Variants in IDO2 observed in about 807,000 individuals in gnomAD.
The protein encoded by IDO2 is indoleamine 2,3-dioxygenase 2.
A neutral mutation model predicts 45.1 loss-of-function variants in IDO2; 46 were observed. The ratio of observed to expected loss-of-function variants is 1.02; its 90% CI spans 0.80 to 1.30. The LOEUF (loss-of-function observed/expected upper bound fraction) is 1.30. Among genes scored for constraint, IDO2 ranks in the 50% most tolerant of loss-of-function variants. The pLI, the probability that IDO2 is intolerant of heterozygous loss-of-function variation, is 0.00. For synonymous variants in IDO2, 218 were observed against 184.9 expected, an observed-to-expected ratio of 1.18 and a Z score of -1.45; for missense variants, 544 against 491.8, an observed-to-expected ratio of 1.11 and a Z score of -1.00.
intron 8 of IDO2, among the ~76,000 whole-genome samples, chr8:39,992,689 C>T (rs1238202292): frequency 6.6e-6 from 1 of 152,196 alleles, no homozygotes; most frequent in Non-Finnish European, 1.5e-5. Context: ...CTTTCTTCTG[C>T]GTGATAAATA....
chr8:39,987,803 A>C (rs2129594701), intron 6 of IDO2, 68 bp from the exon 7 acceptor site: 1 of 881,224 alleles, frequency 1.1e-6, no homozygotes, highest in Non-Finnish European at 1.8e-6. Flanking sequence ...TCGGCAGGGA[A>C]CTCTGGGCAG....
chr8:39,991,878 A>G (rs536740214), intron 8 of IDO2, among the ~76,000 whole-genome samples: 1 of 152,218 alleles, frequency 6.6e-6, no homozygotes, highest in East Asian at 1.9e-4. Flanking sequence ...GCTCAGACTC[A>G]CTTTTTAGGC....
At chr8:39,973,196 G>C (rs1392955189) in intron 3 of IDO2, among the ~76,000 whole-genome samples, 2 of 152,174 alleles carry the variant, frequency 1.3e-5, no homozygotes, top group African/African-American at 4.8e-5. Flanking sequence ...CACTGGATTA[G>C]AGTTGGAGAC....
chr8:40,010,737 T>C (rs1343224689), intron 9 of IDO2, among the ~76,000 whole-genome samples: 1 of 152,028 alleles, frequency 6.6e-6, no homozygotes, highest in Non-Finnish European at 1.5e-5. Flanking sequence ...TTTACTCCAA[T>C]GAGGAAGACT....
At chr8:39,955,251 CTTTTTTT>C (rs34726763) in intron 2 of IDO2, among the ~76,000 whole-genome samples, 1 of 97,022 alleles carries the variant, frequency 1.0e-5, no homozygotes, top group African/African-American at 3.6e-5. Flanking sequence ...TAATATTTGC[CTTTTTTT>C]TTTTTTTTTT....
chr8:40,012,840 C>G lies in IDO2; in HGVS notation c.720-725C>G, dbSNP rs376652729. 3.3e-4 allele frequency among the ~76,000 whole-genome samples: 51 copies of G among 152,262 alleles called. 2 individuals carry two copies. In the South Asian group the frequency reaches 9.8e-3, roughly 29 times the overall value. On this transcript the variant is annotated intron_variant, in intron 9 of 10. Transcript: ENST00000502986. The stretch of plus-strand genomic sequence containing the variant: ...CCCAGTCCCAGCCTTTCTGCATGTC[C>G]CTGACTTCAGCCTCTGGCGAGGCAC...
chr8:40,006,741 A>G, intron 9 of IDO2, among the ~76,000 whole-genome samples: 1 of 151,866 alleles, frequency 6.6e-6, no homozygotes, highest in Non-Finnish European at 1.5e-5. Context: ...GCTCACGGCA[A>G]CCTCTGCCTC....
chr8:40,009,554 A>G (rs976477663), intron 9 of IDO2, among the ~76,000 whole-genome samples: 3 of 152,180 alleles, frequency 2.0e-5, no homozygotes, highest in Non-Finnish European at 4.4e-5. Flanking sequence ...AGATATTTGA[A>G]AGGAAAATAG....
At chr8:39,940,683 T>C (rs953970697) in intron 1 of IDO2, among the ~76,000 whole-genome samples, 3 of 152,136 alleles carry the variant, frequency 2.0e-5, no homozygotes, top group Non-Finnish European at 4.4e-5. Context: ...AACTTATTCC[T>C]ACTATCTAAC....
At chr8:40,013,682 G>A (rs1292053484) in exon 10 of IDO2, 1 of 1,612,120 alleles carries the variant, frequency 6.2e-7, no homozygotes, top group South Asian at 1.1e-5. Flanking sequence ...CCTTTGATGA[G>A]TTCTTAGGCA....
chr8:39,979,118 G>A lies in IDO2; in HGVS notation c.247G>A (p.Ala83Thr), dbSNP rs553373761. The stretch of plus-strand genomic sequence containing the variant: ...GAAGGGTCACCGGGAGCAGCGCCTG[G>A]CCCACCTGGTCCTGAGCTTCCTCAC... Residue 83 changes from alanine to threonine, a missense_variant, in exon 4 of 11, where the codon GCC becomes ACC. Coordinates refer to ENST00000502986, the Ensembl canonical transcript of IDO2. The A allele has an allele frequency of 1.0e-5, 16 of 1,602,658 alleles. No homozygotes were observed. The East Asian group carries it at 2.7e-4, about 27-fold the overall frequency.
At chr8:39,995,294 T>TCTTCTTCTTCCTC (rs1802025272) in intron 8 of IDO2, 1 of 87,404 alleles carries the variant, frequency 1.1e-5, no homozygotes. Context: ...TCTTCTTTTT[T>TCTTCTTCTTCCTC]TTTTGAGATG....
intron 2 of IDO2, among the ~76,000 whole-genome samples, chr8:39,953,978 C>A (rs187853716): frequency 6.6e-6 from 1 of 152,278 alleles, no homozygotes; most frequent in East Asian, 1.9e-4. Context: ...GCCATCTAAC[C>A]GAATGCCATT....
chr8:39,970,939 G>A (rs1290776621), intron 3 of IDO2, among the ~76,000 whole-genome samples: 2 of 151,572 alleles, frequency 1.3e-5, no homozygotes, highest in Non-Finnish European at 2.9e-5. Context: ...GCTAATTTTT[G>A]CAGTTTTAGT....
chr8:40,004,895 T>C (rs1237098594), intron 8 of IDO2, among the ~76,000 whole-genome samples: 1 of 152,226 alleles, frequency 6.6e-6, no homozygotes, highest in East Asian at 1.9e-4. Flanking sequence ...TCTTGTATCC[T>C]TCACTGAATA....
At chr8:40,004,961 T>C (rs950083586) in intron 8 of IDO2, among the ~76,000 whole-genome samples, 1 of 152,258 alleles carries the variant, frequency 6.6e-6, no homozygotes, top group Non-Finnish European at 1.5e-5. Context: ...GTGAAAACCT[T>C]GAGAGAGGTA....
Position 39,956,555 on chromosome 8 carries a change from C to T in IDO2, c.100-7053C>T, listed in dbSNP as rs937767584. On this transcript the variant is annotated intron_variant, in intron 2 of 10. Transcript: ENST00000502986. ...ATGAATTTTTGCAATTTCCCAAATGCGAACTCAACTGAAATTTTCAAGTGT... is the reference window on the plus strand; with the variant it reads ...ATGAATTTTTGCAATTTCCCAAATGTGAACTCAACTGAAATTTTCAAGTGT... Among the ~76,000 whole-genome samples, 4 of 152,014 alleles carry T rather than the reference C, an allele frequency of 2.6e-5. No individual in the cohort carries two copies. In the East Asian group the frequency reaches 5.8e-4, roughly 22 times the overall value.
At chr8:40,003,355 C>T (rs570849209) in intron 8 of IDO2, among the ~76,000 whole-genome samples, 9 of 119,306 alleles carry the variant, frequency 7.5e-5, no homozygotes, top group Admixed American at 1.1e-4. Context: ...GGGTGAAGAG[C>T]GAGACTCCAT....
chr8:40,013,197 G>C (rs1275384253), intron 9 of IDO2, among the ~76,000 whole-genome samples: 2 of 152,104 alleles, frequency 1.3e-5, no homozygotes, highest in Non-Finnish European at 2.9e-5. Context: ...ATTAGCAAAG[G>C]AAGTGAAGAT....
Sources: gnomAD v4.1 joint callset for allele counts (sites outside exome capture counted in the v4.1 genomes callset) on GRCh38, gnomAD v4.1.1 for gene constraint, MANE v1.5 for transcripts, NCBI Gene and HGNC (gene_info 2026-07-23, HGNC 2026-07-21) for gene names.